Variants in ABCC1 observed in about 807,000 individuals in gnomAD.
ABCC1 encodes ATP binding cassette subfamily C member 1 (ABCC1 blood group), also known as multidrug resistance-associated protein 1.
A neutral mutation model predicts 172.9 loss-of-function variants in ABCC1; 83 were observed. The ratio of observed to expected loss-of-function variants is 0.48; its 90% CI spans 0.40 to 0.58. The LOEUF (loss-of-function observed/expected upper bound fraction) is 0.58, where lower values mean the gene tolerates loss of function less well. Among genes scored for constraint, ABCC1 ranks in the 20% least tolerant of loss-of-function variants. The pLI is 0.00. For missense variants in ABCC1, 1,817 were observed against 2,002.7 expected (o/e 0.91, Z 1.77); for synonymous variants, 937 against 825.2 (o/e 1.14, Z -2.32).
intron 1 of ABCC1, among the ~76,000 whole-genome samples, chr16:15,970,992 CTTTGGTAAGAG>C (rs1221427538): frequency 6.6e-6 from 1 of 152,120 alleles, no homozygotes; most frequent in Admixed American, 6.6e-5. Context: ...GCTTGTGTGA[CTTTGGTAAGAG>C]TTTGTTTGTT....
chr16:16,079,230 A>G, intron 15 of ABCC1, 122 bp from the exon 16 acceptor site: 7 of 1,432,502 alleles, frequency 4.9e-6, no homozygotes, highest in Non-Finnish European at 6.7e-6. Context: ...AGTGTTTAGT[A>G]CAGTCTTGCC....
chr16:16,062,317 C>A (rs1041717252), intron 12 of ABCC1, among the ~76,000 whole-genome samples: 1 of 152,170 alleles, frequency 6.6e-6, no homozygotes, highest in African/African-American at 2.4e-5. Flanking sequence ...TGCTTAAGAG[C>A]AGGACTGGCT....
At chr16:16,001,914 C>T (rs1056738735) in intron 1 of ABCC1, among the ~76,000 whole-genome samples, 3 of 152,088 alleles carry the variant, frequency 2.0e-5, no homozygotes, top group African/African-American at 4.8e-5. Context: ...GACAGAGTCT[C>T]ATTATGTTGC....
At chr16:16,125,555 A>G (rs145552250) in intron 25 of ABCC1, among the ~76,000 whole-genome samples, 26 of 151,874 alleles carry the variant, frequency 1.7e-4, no homozygotes, top group African/African-American at 3.6e-4. Context: ...CAGCCTCCCA[A>G]ATAGCTGGGT....
At position 16,069,214 on chromosome 16, in the gene ABCC1, A is replaced by ATATG. The variant is rs1555492736; in HGVS notation, c.1824+913_1824+914insATGT. Among the ~76,000 whole-genome samples the ATATG allele has an allele frequency of 9.4e-3, 1,388 of 147,224 alleles. 20 individuals carry two copies. Among genetic ancestry groups the ATATG allele is most frequent in the African/African-American group, 0.034 (1,319 of 39,304 alleles). ...TAAATAAATAAATAAATAAATAAAT[A>ATATG]TGTTTGAAAATTAGCCAGGCATGGT... On this transcript the variant is annotated intron_variant, in intron 13 of 30. Coordinates refer to ENST00000399410, the MANE Select transcript of ABCC1 (RefSeq NM_004996.4).
rs74363592 is a variant in ABCC1, at chr16:16,118,939, C to T, written c.3391-3036C>T. ...GCAGTGCTTAGAATGTTCTCAGCATCTTGATTCATAATCGCCCAAACTGGA... is the reference window on the plus strand; with the variant it reads ...GCAGTGCTTAGAATGTTCTCAGCATTTTGATTCATAATCGCCCAAACTGGA... On this transcript the variant is annotated intron_variant, in intron 23 of 30. Coordinates refer to ENST00000399410, the MANE Select transcript of ABCC1 (RefSeq NM_004996.4). 4.1e-5 allele frequency among the ~76,000 whole-genome samples: 6 copies of T among 145,990 alleles called. No homozygotes were observed. In the East Asian group the frequency reaches 1.0e-3, roughly 25 times the overall value.
intron 26 of ABCC1, among the ~76,000 whole-genome samples, chr16:16,127,622 G>A (rs953787169): frequency 1.3e-5 from 2 of 152,206 alleles, no homozygotes; most frequent in African/African-American, 4.8e-5. Context: ...CGTTGAGCCT[G>A]TGCCTCCTCA....
chr16:16,124,909 A>G lies in ABCC1; in HGVS notation c.3711A>G (p.Ser1237=), dbSNP rs1422550754. 3 of 1,613,974 alleles carry G rather than the reference A, an allele frequency of 1.9e-6. No homozygotes were observed. Among genetic ancestry groups the G allele is most frequent in the Non-Finnish European group, 2.5e-6 (3 of 1,180,018 alleles). ...AGLVGLSVSY[S]LQVTTYLNWL... Reference sequence around the variant, plus strand: ...TGGTGGGCCTCTCAGTGTCTTACTCATTGCAGGTAAGAGGGGATGCTCTTG... The same window carrying G: ...TGGTGGGCCTCTCAGTGTCTTACTCGTTGCAGGTAAGAGGGGATGCTCTTG... Residue 1237 remains serine (S), a synonymous_variant, in exon 25 of 31, where the codon TCA becomes TCG. Coordinates refer to ENST00000399410, the MANE Select transcript of ABCC1 (RefSeq NM_004996.4).
At chr16:16,065,382 T>C (rs1480515690) in intron 12 of ABCC1, among the ~76,000 whole-genome samples, 1 of 152,164 alleles carries the variant, frequency 6.6e-6, no homozygotes, top group Non-Finnish European at 1.5e-5. Context: ...TGCCTCAGCC[T>C]CCCTAGTAGC....
intron 21 of ABCC1, among the ~76,000 whole-genome samples, chr16:16,108,235 G>A (rs1336335280): frequency 2.0e-5 from 3 of 150,724 alleles, no homozygotes; most frequent in East Asian, 1.9e-4. Context: ...TGGACCCAGA[G>A]TGGAGCCAGG....
At chr16:16,137,545 CTTTTTTTTTTT>C (rs151237296) in intron 29 of ABCC1, among the ~76,000 whole-genome samples, 4 of 56,634 alleles carry the variant, frequency 7.1e-5, no homozygotes, top group Non-Finnish European at 1.0e-4. Flanking sequence ...GGTATGAGGC[CTTTTTTTTTTT>C]TTTTTTTTTT....
chr16:16,123,609 G>A (rs1268845502), intron 24 of ABCC1, among the ~76,000 whole-genome samples: 2 of 151,826 alleles, frequency 1.3e-5, no homozygotes, highest in African/African-American at 4.8e-5. Context: ...CCTGGGCAAC[G>A]AGAGCGAAAC....
At chr16:16,082,336 A>G (rs1357360030) in intron 16 of ABCC1, among the ~76,000 whole-genome samples, 1 of 152,184 alleles carries the variant, frequency 6.6e-6, no homozygotes, top group South Asian at 2.1e-4. Flanking sequence ...TAATCCCAGC[A>G]CTTCAGGAGG....
chr16:16,000,903 A>C (rs1401854815), intron 1 of ABCC1, among the ~76,000 whole-genome samples: 1 of 152,166 alleles, frequency 6.6e-6, no homozygotes, highest in African/African-American at 2.4e-5. Context: ...TTGAAGGATG[A>C]ATAGGAGTTT....
chr16:16,021,606 A>T (rs544362796), intron 5 of ABCC1, among the ~76,000 whole-genome samples: 2 of 152,272 alleles, frequency 1.3e-5, no homozygotes, highest in East Asian at 1.9e-4. Context: ...GATCCCTGCT[A>T]TTTAGGAGGC....
chr16:16,073,055 A>T (rs140399008), intron 14 of ABCC1, among the ~76,000 whole-genome samples: 68,140 of 143,836 alleles, frequency 0.47, 16,405 homozygotes, highest in Non-Finnish European at 0.51. Flanking sequence ...AAAAAAAAAA[A>T]AATAATAATA....
chr16:16,076,076 G>A, intron 14 of ABCC1: 1 of 514,292 alleles, frequency 1.9e-6, no homozygotes. Flanking sequence ...CGTCCAGATG[G>A]CGCAACCCCA....
At chr16:16,057,379 A>G (rs529108989) in intron 12 of ABCC1, among the ~76,000 whole-genome samples, 1 of 151,612 alleles carries the variant, frequency 6.6e-6, no homozygotes, top group East Asian at 1.9e-4. Context: ...AAAAAAAAAA[A>G]AATAAGTAAA....
At chr16:16,083,260 G>T in intron 16 of ABCC1, 106 bp from the exon 17 acceptor site, 2 of 1,113,154 alleles carry the variant, frequency 1.8e-6, no homozygotes, top group Non-Finnish European at 2.7e-6. Context: ...TGATGAAAAT[G>T]ACTTGTGAAG....
Sources: allele counts gnomAD v4.1 joint callset (sites outside exome capture counted in the v4.1 genomes callset), GRCh38; gene constraint gnomAD v4.1.1; transcripts MANE v1.5; gene names NCBI Gene and HGNC (gene_info 2026-07-23, HGNC 2026-07-21).